ATP10B: variants seen among roughly 807,000 people sequenced by gnomAD.
ATP10B encodes phospholipid-transporting ATPase VB.
A neutral mutation model predicts 141.2 loss-of-function variants in ATP10B; 122 were observed. The ratio of observed to expected loss-of-function variants is 0.86; its 90% CI spans 0.75 to 1.00. The LOEUF (loss-of-function observed/expected upper bound fraction) is 1.00. ATP10B is among the 50% of genes least tolerant of loss of function. The pLI, the probability that ATP10B is intolerant of heterozygous loss-of-function variation, is 0.00. For synonymous variants in ATP10B, 685 were observed against 692.0 expected (o/e 0.99, Z 0.16); for missense variants, 1,876 against 1,825.3 (o/e 1.03, Z -0.51).
chr5:160,706,499 C>A (rs181432064), intron 3 of ATP10B, among the ~76,000 whole-genome samples: 46 of 152,272 alleles, frequency 3.0e-4, no homozygotes, highest in Non-Finnish European at 5.0e-4. Flanking sequence ...ATGAGGTCCC[C>A]ACTGTGCATC....
In ATP10B at chr5:160,564,296, T is replaced by C. The variant is rs1754415644; in HGVS notation, c.*1157A>G. On this transcript the variant is annotated 3_prime_UTR_variant, in exon 26 of 26. Transcript: ENST00000327245. Reference sequence around the variant, plus strand: ...TGGACAGCCTATTAAAATTCTACTGTTCATTCCTTTAACACTGTTTTGAGC... The same window carrying C: ...TGGACAGCCTATTAAAATTCTACTGCTCATTCCTTTAACACTGTTTTGAGC... The C allele has an allele frequency of 6.6e-6, 1 of 152,232 alleles. No homozygotes were observed. Among genetic ancestry groups the C allele is most frequent in the East Asian group, 1.9e-4 (1 of 5,200 alleles). The allele number at this position is 152,232 out of a possible 1,614,324, so 9.4% of individuals were successfully genotyped here. A position where few individuals can be genotyped will look rare whatever the true frequency, so the allele number is the denominator to read the frequency against.
intron 7 of ATP10B, among the ~76,000 whole-genome samples, chr5:160,660,099 C>A (rs984024688): frequency 2.0e-5 from 3 of 152,040 alleles, no homozygotes; most frequent in Admixed American, 2.0e-4. Context: ...AAAAAGATTA[C>A]GTATTTAATG....
At chr5:160,619,539 C>G (rs1758204381) in intron 15 of ATP10B, among the ~76,000 whole-genome samples, 1 of 152,180 alleles carries the variant, frequency 6.6e-6, no homozygotes, top group Non-Finnish European at 1.5e-5. Flanking sequence ...ACTAATCAAT[C>G]CCCATAAACC....
chr5:160,652,935 ACATGTATATATAATATATTATATAT>A (rs1760958784), intron 7 of ATP10B, among the ~76,000 whole-genome samples: 1 of 85,532 alleles, frequency 1.2e-5, no homozygotes, highest in African/African-American at 4.8e-5. Context: ...TATTATATAT[ACATGTATATATAATATATTATATAT>A]ACATGTATAT....
intron 1 of ATP10B, among the ~76,000 whole-genome samples, chr5:160,801,933 C>T (rs1467057971): frequency 3.3e-5 from 5 of 152,130 alleles, no homozygotes; most frequent in Admixed American, 3.3e-4. Flanking sequence ...AGCATAATGC[C>T]TAGCAAAGAA....
At chr5:160,722,812 C>T (rs941566320) in intron 2 of ATP10B, among the ~76,000 whole-genome samples, 6 of 152,168 alleles carry the variant, frequency 3.9e-5, no homozygotes, top group African/African-American at 1.4e-4. Flanking sequence ...GCCAAACCAT[C>T]TTGGGATGGA....
intron 3 of ATP10B, among the ~76,000 whole-genome samples, chr5:160,690,848 A>G (rs1244354402): frequency 1.3e-5 from 2 of 152,188 alleles, no homozygotes; most frequent in South Asian, 2.1e-4. Context: ...CAGCAATCCC[A>G]TTACTGGGGA....
At chr5:160,839,068 G>C (rs1775653923) in intron 1 of ATP10B, among the ~76,000 whole-genome samples, 1 of 152,104 alleles carries the variant, frequency 6.6e-6, no homozygotes. Flanking sequence ...AGATGTTGGT[G>C]CCATGCTTGT....
At chr5:160,922,525 A>C in the ATP10B span, among the ~76,000 whole-genome samples, 1 of 152,170 alleles carries the variant, frequency 6.6e-6, no homozygotes, top group East Asian at 1.9e-4. Context: ...CCAAATTTTC[A>C]CCTGTGACTA....
Position 160,807,985 on chromosome 5 carries a change from T to C in ATP10B, c.-575-22182A>G, listed in dbSNP as rs569587138. Among the ~76,000 whole-genome samples the C allele has an allele frequency of 1.4e-3, 220 of 152,326 alleles. 1 individual carries two copies. The highest frequency in any genetic ancestry group is 1.7e-3 in the Non-Finnish European group (115 of 68,012). The stretch of plus-strand genomic sequence containing the variant: ...CCTGGTCTTTTACTTGAGATGCTTC[T>C]CATTAATGAATGCTATCTCTACTAT... On this transcript the variant is annotated intron_variant, in intron 1 of 25. Coordinates refer to ENST00000327245, the MANE Select transcript of ATP10B (RefSeq NM_025153.3).
At chr5:160,825,638 CT>C (rs757236023) in intron 1 of ATP10B, among the ~76,000 whole-genome samples, 1 of 152,120 alleles carries the variant, frequency 6.6e-6, no homozygotes, top group Non-Finnish European at 1.5e-5. Flanking sequence ...TAATTATTTC[CT>C]GCTGGTTTAT....
At chr5:160,582,695 C>G (rs1755632441) in intron 24 of ATP10B, among the ~76,000 whole-genome samples, 1 of 152,188 alleles carries the variant, frequency 6.6e-6, no homozygotes, top group African/African-American at 2.4e-5. Flanking sequence ...GTTCCATTCT[C>G]CCCATCACTT....
chr5:160,913,847 A>T, the ATP10B span, among the ~76,000 whole-genome samples: 2 of 152,204 alleles, frequency 1.3e-5, no homozygotes, highest in African/African-American at 2.4e-5. Context: ...TCTCTTAGCA[A>T]ATTGCAATTC....
rs559049964 is a variant in ATP10B, at chr5:160,805,996, G to C, written c.-575-20193C>G. On this transcript the variant is annotated intron_variant, in intron 1 of 25. Coordinates refer to ENST00000327245, the MANE Select transcript of ATP10B (RefSeq NM_025153.3). ...ACCAATAATGTACATCCTAGTCCAA[G>C]GGCAGGAGACCCATGGCCTAGCTCA... Among the ~76,000 whole-genome samples, 6 of 152,262 alleles carry C rather than the reference G, an allele frequency of 3.9e-5. No individual in the cohort carries two copies. The South Asian group carries it at 1.0e-3, about 26-fold the overall frequency.
intron 2 of ATP10B, among the ~76,000 whole-genome samples, chr5:160,755,155 C>A (rs759034401): frequency 2.6e-5 from 4 of 152,134 alleles, no homozygotes; most frequent in African/African-American, 4.8e-5. Context: ...ACAATCATGG[C>A]AGAAGGTGAA....
intron 24 of ATP10B, among the ~76,000 whole-genome samples, chr5:160,582,378 A>G (rs1198622795): frequency 6.6e-6 from 1 of 152,164 alleles, no homozygotes; most frequent in African/African-American, 2.4e-5. Flanking sequence ...CTTGTCGTAA[A>G]GGATTTTATT....
chr5:160,787,874 G>A (rs550272774), intron 1 of ATP10B, among the ~76,000 whole-genome samples: 58 of 152,160 alleles, frequency 3.8e-4, no homozygotes, highest in African/African-American at 1.3e-3. Context: ...GCTAATAGAC[G>A]GTATTATTCC....
chr5:160,767,428 G>A (rs992187587), intron 2 of ATP10B, among the ~76,000 whole-genome samples: 4 of 152,196 alleles, frequency 2.6e-5, no homozygotes, highest in South Asian at 2.1e-4. Context: ...CAAATGAAGC[G>A]ACTGTGCTTC....
intron 2 of ATP10B, among the ~76,000 whole-genome samples, chr5:160,784,639 T>C (rs1770999593): frequency 6.6e-6 from 1 of 152,176 alleles, no homozygotes; most frequent in African/African-American, 2.4e-5. Flanking sequence ...ATAATGATAA[T>C]GCCTTGGGTT....
Sources: gnomAD v4.1 joint callset for allele counts (sites outside exome capture counted in the v4.1 genomes callset) on GRCh38, gnomAD v4.1.1 for gene constraint, MANE v1.5 for transcripts, NCBI Gene and HGNC (gene_info 2026-07-23, HGNC 2026-07-21) for gene names.